The following ADAMTS2 variants were observed in gnomAD, a reference collection of about 807,000 sequenced individuals.
ADAMTS2 encodes the protein A disintegrin and metalloproteinase with thrombospondin motifs 2.
In ADAMTS2, 50 loss-of-function variants were observed where a neutral mutation model predicts 123.0. The observed-to-expected ratio is 0.41, with a 90% CI of 0.32 to 0.51. The LOEUF (loss-of-function observed/expected upper bound fraction) is 0.51, where lower values mean the gene tolerates loss of function less well. Ranked by LOEUF, ADAMTS2 falls within the 20% of genes least tolerant of loss-of-function variation. The pLI is 0.35. For missense variants in ADAMTS2, 1,494 were observed against 1,705.2 expected (o/e 0.88, Z 2.18); for synonymous variants, 678 against 695.4 (o/e 0.98, Z 0.39).
intron 2 of ADAMTS2, among the ~76,000 whole-genome samples, chr5:179,293,324 G>A (rs1756240704): frequency 6.6e-6 from 1 of 152,268 alleles, no homozygotes; most frequent in African/African-American, 2.4e-5. Flanking sequence ...AGCAGCCTCT[G>A]ATTCTTGCAG....
chr5:179,224,224 G>A (rs1206590415), intron 3 of ADAMTS2, among the ~76,000 whole-genome samples: 1 of 152,170 alleles, frequency 6.6e-6, no homozygotes, highest in African/African-American at 2.4e-5. Flanking sequence ...TGCGGTGGGT[G>A]CACGCTACCA....
intron 2 of ADAMTS2, among the ~76,000 whole-genome samples, chr5:179,335,127 G>A (rs879534433): frequency 1.5e-4 from 23 of 151,990 alleles, no homozygotes; most frequent in Admixed American, 1.4e-3. Flanking sequence ...GAGAATACCA[G>A]CAAAGGGGGA....
rs1163733463 is a variant in ADAMTS2, at chr5:179,171,622, G to A, written c.975+9450C>T. On this transcript the variant is annotated intron_variant, in intron 5 of 21. Coordinates refer to ENST00000251582, the MANE Select transcript of ADAMTS2 (RefSeq NM_014244.5). ...ATCCCCGGGATGGAGCGGACCCCAT[G>A]GGCACTGGCGTCCCCTACCCCCATC... 2.0e-5 allele frequency among the ~76,000 whole-genome samples: 3 copies of A among 152,304 alleles called. No homozygotes were observed. The East Asian group carries it at 5.8e-4, about 29-fold the overall frequency.
rs745785408 is a variant in ADAMTS2, at chr5:179,129,747, G to A, written c.2457+185C>T. Among the ~76,000 whole-genome samples the A allele has an allele frequency of 1.4e-4, 21 of 152,182 alleles. No individual in the cohort carries two copies. The highest frequency in any genetic ancestry group is 2.2e-4 in the Non-Finnish European group (15 of 68,026). On this transcript the variant is annotated intron_variant, in intron 16 of 21. Transcript: ENST00000251582. This position sits in a 1 kb window ranked among gnomAD's most constrained non-coding sequence, Gnocchi z 4.1. Reference sequence around the variant, plus strand: ...GGGGTCATGTGGGGTCCAGAGCCCCGGCTCGTGGATGCATGTCCCTTCCTG... The same window carrying A: ...GGGGTCATGTGGGGTCCAGAGCCCCAGCTCGTGGATGCATGTCCCTTCCTG...
intron 3 of ADAMTS2, among the ~76,000 whole-genome samples, chr5:179,267,603 G>C (rs550486993): frequency 6.6e-6 from 1 of 152,350 alleles, no homozygotes; most frequent in South Asian, 2.1e-4. Flanking sequence ...AGCCCCAGGA[G>C]AGCAGCCCAC....
chr5:179,156,778 G>A (rs746740600), intron 6 of ADAMTS2, among the ~76,000 whole-genome samples: 5 of 151,942 alleles, frequency 3.3e-5, no homozygotes, highest in Non-Finnish European at 7.4e-5. Context: ...AAACATTCTG[G>A]GAATACTACT....
intron 4 of ADAMTS2, among the ~76,000 whole-genome samples, chr5:179,199,225 G>A (rs568726517): frequency 1.6e-4 from 24 of 152,358 alleles, no homozygotes; most frequent in Non-Finnish European, 2.6e-4. Flanking sequence ...CCTTGCATGT[G>A]TGTTTTGTAA....
In ADAMTS2 at chr5:179,158,403, G is replaced by C. The variant is rs1266422653; in HGVS notation, c.1132+320C>G. Reference sequence around the variant, plus strand: ...ATGCTCTCTGTCTATAGAGTGAGTGGAGGTGACAGGCCTCCTTTCTTTCCA... The same window carrying C: ...ATGCTCTCTGTCTATAGAGTGAGTGCAGGTGACAGGCCTCCTTTCTTTCCA... On this transcript the variant is annotated intron_variant, in intron 6 of 21. Transcript: ENST00000251582. This position sits in a 1 kb window ranked among gnomAD's most constrained non-coding sequence, Gnocchi z 5.0. 6.6e-6 allele frequency among the ~76,000 whole-genome samples: 1 copy of C among 152,160 alleles called. No homozygotes were observed. The highest frequency in any genetic ancestry group is 2.4e-5 in the African/African-American group (1 of 41,446).
At chr5:179,276,996 C>A (rs924167444) in intron 2 of ADAMTS2, among the ~76,000 whole-genome samples, 1 of 152,152 alleles carries the variant, frequency 6.6e-6, no homozygotes, top group African/African-American at 2.4e-5. Flanking sequence ...AGGCTCCCCT[C>A]CCTGGCTGCC....
intron 3 of ADAMTS2, among the ~76,000 whole-genome samples, chr5:179,247,181 C>T (rs1316914289): frequency 6.6e-6 from 1 of 151,990 alleles, no homozygotes; most frequent in Non-Finnish European, 1.5e-5. Context: ...TAGAGAATAT[C>T]AATAAAGAAA....
In ADAMTS2 at chr5:179,308,815, G is replaced by A. The variant is rs1298962584; in HGVS notation, c.534+34952C>T. Among the ~76,000 whole-genome samples, 2 of 152,096 alleles carry A rather than the reference G, an allele frequency of 1.3e-5. No homozygotes were observed. Among genetic ancestry groups the A allele is most frequent in the African/African-American group, 2.4e-5 (1 of 41,422 alleles). On this transcript the variant is annotated intron_variant, in intron 2 of 21. Coordinates refer to ENST00000251582, the MANE Select transcript of ADAMTS2 (RefSeq NM_014244.5). This position sits in a 1 kb window ranked among gnomAD's most constrained non-coding sequence, Gnocchi z 6.6. ...TGCCTCCTCTTCCTTCCCACCCCAG[G>A]GGCCCTGGGATGCAGCTAGGCCAGC...
chr5:179,133,040 T>G (rs1051250825), intron 13 of ADAMTS2, 140 bp from the exon 14 acceptor site: 10 of 1,138,062 alleles, frequency 8.8e-6, no homozygotes, highest in Non-Finnish European at 1.3e-5. Flanking sequence ...ATTACAGGCG[T>G]GAACCACCTT....
intron 2 of ADAMTS2, among the ~76,000 whole-genome samples, chr5:179,336,438 G>A (rs985702371): frequency 2.0e-5 from 3 of 152,204 alleles, no homozygotes; most frequent in South Asian, 4.2e-4. Context: ...GACAAGCGAC[G>A]GCCAGGCAGC....
chr5:179,179,342 C>T lies in ADAMTS2; in HGVS notation c.975+1730G>A, dbSNP rs115795040. Among the ~76,000 whole-genome samples, 883 of 151,598 alleles carry T rather than the reference C, an allele frequency of 5.8e-3. 3 individuals are homozygous for T. Among genetic ancestry groups the T allele is most frequent in the Non-Finnish European group, 0.011 (734 of 67,942 alleles). ...CCCCCACCCCTACTTTTAGGCATTT[C>T]ATCAGCGAAGATGGACAAAATCGTT... On this transcript the variant is annotated intron_variant, in intron 5 of 21. Coordinates refer to ENST00000251582, the MANE Select transcript of ADAMTS2 (RefSeq NM_014244.5).
chr5:179,154,552 G>A (rs879913710), intron 7 of ADAMTS2, among the ~76,000 whole-genome samples: 1 of 152,362 alleles, frequency 6.6e-6, no homozygotes, highest in East Asian at 1.9e-4. Context: ...GCTTGGATGT[G>A]ATAATGGGGC....
intron 3 of ADAMTS2, among the ~76,000 whole-genome samples, chr5:179,211,067 C>T (rs570981893): frequency 2.6e-5 from 4 of 152,356 alleles, no homozygotes; most frequent in Non-Finnish European, 5.9e-5. Flanking sequence ...TGGCCTTGGG[C>T]CTGCCCACCT....
intron 2 of ADAMTS2, among the ~76,000 whole-genome samples, chr5:179,273,707 T>G (rs1561668663): frequency 6.6e-6 from 1 of 151,842 alleles, no homozygotes; most frequent in Non-Finnish European, 1.5e-5. Context: ...GCCCCCCAAC[T>G]GTCTCTCCTG....
chr5:179,276,695 T>G (rs947374138), intron 2 of ADAMTS2, among the ~76,000 whole-genome samples: 1 of 152,154 alleles, frequency 6.6e-6, no homozygotes, highest in Non-Finnish European at 1.5e-5. Context: ...GGATCAGAAC[T>G]CACACCTACA....
At chr5:179,322,276 C>T (rs536457777) in intron 2 of ADAMTS2, among the ~76,000 whole-genome samples, 2 of 152,360 alleles carry the variant, frequency 1.3e-5, no homozygotes, top group African/African-American at 4.8e-5. Flanking sequence ...GGACCCAGCG[C>T]AGGTGGGGAG....
Sources: allele counts gnomAD v4.1 joint callset (sites outside exome capture counted in the v4.1 genomes callset), GRCh38; gene constraint gnomAD v4.1.1; non-coding constraint Gnocchi (gnomAD v3.1); transcripts MANE v1.5; gene names NCBI Gene and HGNC (gene_info 2026-07-23, HGNC 2026-07-21).